The following FUBP1 variants were observed in gnomAD, a reference collection of about 807,000 sequenced individuals.
FUBP1 encodes far upstream element-binding protein 1.
Under a neutral mutation model 94.9 loss-of-function variants are expected in FUBP1, and 16 were observed. The observed-to-expected ratio is 0.17, with a 90% CI of 0.11 to 0.26. The LOEUF (loss-of-function observed/expected upper bound fraction) is 0.26. FUBP1 is among the 10% of genes least tolerant of loss of function. FUBP1 has a pLI of 1.00. For synonymous variants in FUBP1, 279 were observed against 254.9 expected (o/e 1.09, Z -0.90); for missense variants, 583 against 808.6 (o/e 0.72, Z 3.38).
intron 17 of FUBP1, among the ~76,000 whole-genome samples, chr1:77,956,039 G>GTATAATTTT (rs1392691253): frequency 1.3e-5 from 2 of 151,952 alleles, no homozygotes; most frequent in Non-Finnish European, 2.9e-5. Context: ...GCCAAATCCA[G>GTATAATTTT]GATAATCTGA....
chr1:77,968,019 A>G lies in FUBP1; in HGVS notation c.250+146T>C. The G allele has an allele frequency of 7.1e-6, 4 of 560,308 alleles. No individual in the cohort carries two copies. The South Asian group carries it at 1.0e-4, about 14-fold the overall frequency. The allele number at this position is 560,308 out of a possible 1,614,324, so 34.7% of individuals were successfully genotyped here. A position where few individuals can be genotyped will look rare whatever the true frequency, so the allele number is the denominator to read the frequency against. ...GGACAGATTGTAAAATAGGAGAAAA[A>G]GGTATATATTTACAAAGAAATTCAG... On this transcript the variant is annotated intron_variant, in intron 3 of 19. Coordinates refer to ENST00000370768, the MANE Select transcript of FUBP1 (RefSeq NM_003902.5).
At chr1:77,957,715 T>C (rs565368838) in intron 16 of FUBP1, among the ~76,000 whole-genome samples, 7 of 152,282 alleles carry the variant, frequency 4.6e-5, no homozygotes, top group African/African-American at 1.7e-4. Flanking sequence ...CAAGGTAATA[T>C]AATTGTAAGG....
At chr1:77,957,595 T>C (rs1201595873) in intron 16 of FUBP1, among the ~76,000 whole-genome samples, 1 of 152,208 alleles carries the variant, frequency 6.6e-6, no homozygotes, top group African/African-American at 2.4e-5. Flanking sequence ...ATTAAAACTT[T>C]TAAATTTTCT....
chr1:77,944,843 A>AT lies in FUBP1; in HGVS notation c.*3922dup, dbSNP rs756648954. Among the ~76,000 whole-genome samples, 4 of 151,986 alleles carry AT rather than the reference A, an allele frequency of 2.6e-5. No individual in the cohort carries two copies. The highest frequency in any genetic ancestry group is 4.1e-4 in the South Asian group (2 of 4,832). The stretch of plus-strand genomic sequence containing the variant: ...AATTACTAGTTTTAGTATTAAAACC[A>AT]TTTTTTATATTAAAAAATAAAACTA... On this transcript the variant is annotated 3_prime_UTR_variant, in exon 20 of 20. Coordinates refer to ENST00000370768, the MANE Select transcript of FUBP1 (RefSeq NM_003902.5).
intron 1 of FUBP1, 41 bp from the exon 2 acceptor site, chr1:77,970,056 T>C (rs767820039): frequency 1.1e-5 from 10 of 939,172 alleles, no homozygotes; most frequent in Non-Finnish European, 1.3e-5. Context: ...AACTATTATA[T>C]ACTATTCATT....
rs1161131360 is a variant in FUBP1 at position 77,948,140 on chromosome 1, CA to C, written c.*625del. 18 of 1,038,980 alleles carry C rather than the reference CA, an allele frequency of 1.7e-5. No individual in the cohort carries two copies. In the East Asian group the frequency reaches 9.4e-4, roughly 55 times the overall value. 64.4% of individuals were successfully genotyped at this position (1,038,980 alleles called of 1,614,324 possible). ...ATGCAATGGAAGTATGCCAAAAGAT[CA>C]TTGTACACACATGCAGTTTTTAATC... is the stretch of plus-strand genomic sequence containing the variant. On this transcript the variant is annotated 3_prime_UTR_variant, in exon 20 of 20. Coordinates refer to ENST00000370768, the MANE Select transcript of FUBP1 (RefSeq NM_003902.5).
intron 18 of FUBP1, 80 bp from the exon 19 acceptor site, chr1:77,949,380 T>G: frequency 8.8e-7 from 1 of 1,139,034 alleles, no homozygotes; most frequent in South Asian, 1.4e-5. Flanking sequence ...AATACCTTGC[T>G]TCTTGTAATA....
At chr1:77,957,652 A>G (rs1346720880) in intron 16 of FUBP1, among the ~76,000 whole-genome samples, 1 of 152,210 alleles carries the variant, frequency 6.6e-6, no homozygotes, top group East Asian at 1.9e-4. Flanking sequence ...TGCTTAATAA[A>G]GGTTAGTCAA....
At chr1:77,968,899 T>C (rs762350007) in intron 2 of FUBP1, 1 of 372,238 alleles carries the variant, frequency 2.7e-6, no homozygotes, top group Non-Finnish European at 5.6e-6. Context: ...CATCAGAATG[T>C]TGTGCAGCAA....
At chr1:77,973,760 A>T (rs1658051506) in intron 1 of FUBP1, among the ~76,000 whole-genome samples, 1 of 152,134 alleles carries the variant, frequency 6.6e-6, no homozygotes, top group South Asian at 2.1e-4. Context: ...TTTGCTCTTC[A>T]CGGTTTCAGT....
At chr1:77,965,855 C>T (rs943986962) in intron 7 of FUBP1, among the ~76,000 whole-genome samples, 2 of 152,032 alleles carry the variant, frequency 1.3e-5, no homozygotes, top group Admixed American at 6.5e-5. Flanking sequence ...GAGACCATCC[C>T]GGCCAACATG....
At chr1:77,967,552 A>C in intron 4 of FUBP1, 75 bp downstream of exon 4, 1 of 1,039,454 alleles carries the variant, frequency 9.6e-7, no homozygotes, top group Non-Finnish European at 1.5e-6. Context: ...TTCAATATAC[A>C]CCAATGTGGT....
At position 77,963,686 on chromosome 1, in the gene FUBP1, A is replaced by C. The variant is rs1557446971; in HGVS notation, c.1071T>G (p.Gly357=). 6.2e-7 allele frequency: 1 copy of C among 1,611,362 alleles called. No individual in the cohort carries two copies. ...CTTGACCTCTACCTCTTCCTCGACC[A>C]CCAGGTCCAGGTCCACCAGGATTAC... ...QAGNPGGPGP[G]GRGRGRGQGN... is the part of the protein sequence containing the mutation. Residue 357 remains glycine, a synonymous_variant, in exon 13 of 20, where the codon GGT becomes GGG. Transcript: ENST00000370768.
At chr1:77,973,787 C>T (rs191150795) in intron 1 of FUBP1, among the ~76,000 whole-genome samples, 102 of 152,322 alleles carry the variant, frequency 6.7e-4, no homozygotes, top group Non-Finnish European at 3.5e-4. Flanking sequence ...TGATATAGTA[C>T]AATCAGATAT....
intron 16 of FUBP1, among the ~76,000 whole-genome samples, chr1:77,958,850 C>A (rs1179568812): frequency 6.6e-6 from 1 of 152,194 alleles, no homozygotes; most frequent in African/African-American, 2.4e-5. Flanking sequence ...ATTATACCAT[C>A]CCAATCAGCC....
intron 7 of FUBP1, 115 bp from the exon 8 acceptor site, chr1:77,965,346 G>T: frequency 1.9e-6 from 1 of 530,984 alleles, no homozygotes; most frequent in Non-Finnish European, 3.2e-6. Context: ...AGGATTAGGT[G>T]CCTTGATGCT....
In FUBP1 at chr1:77,944,906, T is replaced by C. The variant is rs1438007553; in HGVS notation, c.*3860A>G. 2.6e-5 allele frequency among the ~76,000 whole-genome samples: 4 copies of C among 151,910 alleles called. No individual in the cohort carries two copies. The highest frequency in any genetic ancestry group is 2.1e-4 in the South Asian group (1 of 4,834). On this transcript the variant is annotated 3_prime_UTR_variant, in exon 20 of 20. Coordinates refer to ENST00000370768, the MANE Select transcript of FUBP1 (RefSeq NM_003902.5). ...CTAAAAGAAACATCAAACCATAGAA[T>C]TCTAAGTATCACCACACTAAGCTGT...
chr1:77,948,041 C>A lies in FUBP1; in HGVS notation c.*725G>T. Reference sequence around the variant, plus strand: ...AAATCAAGTATTATCAAATTAAGAACAGAAAGGTTAACTGTTATAGCAGCA... The same window carrying A: ...AAATCAAGTATTATCAAATTAAGAAAAGAAAGGTTAACTGTTATAGCAGCA... On this transcript the variant is annotated 3_prime_UTR_variant, in exon 20 of 20. Coordinates refer to ENST00000370768, the MANE Select transcript of FUBP1 (RefSeq NM_003902.5). The A allele has an allele frequency of 9.7e-7, 1 of 1,033,676 alleles. No homozygotes were observed. Among genetic ancestry groups the A allele is most frequent in the Non-Finnish European group, 1.2e-6 (1 of 854,742 alleles). 64.0% of individuals were successfully genotyped at this position (1,033,676 alleles called of 1,614,324 possible). A position where few individuals can be genotyped will look rare whatever the true frequency, so the allele number is the denominator to read the frequency against.
chr1:77,955,555 G>T, intron 17 of FUBP1: 1 of 443,240 alleles, frequency 2.3e-6, no homozygotes, highest in Non-Finnish European at 4.0e-6. Context: ...GACTGGTTAT[G>T]TTGAACATAT....
Sources: gnomAD v4.1 joint callset for allele counts (sites outside exome capture counted in the v4.1 genomes callset) on GRCh38, gnomAD v4.1.1 for gene constraint, MANE v1.5 for transcripts, NCBI Gene and HGNC (gene_info 2026-07-23, HGNC 2026-07-21) for gene names.